ROBO2: variants seen among roughly 807,000 people sequenced by gnomAD.
The protein encoded by ROBO2 is roundabout homolog 2.
ROBO2 carries 53 observed loss-of-function variants against 160.8 expected under a neutral mutation model. The ratio of observed to expected loss-of-function variants is 0.33; its 90% CI spans 0.26 to 0.41. The LOEUF is 0.41. ROBO2 is among the 10% of genes least tolerant of loss of function. ROBO2 has a pLI of 1.00. For missense variants in ROBO2, 1,577 were observed against 1,722.4 expected, an observed-to-expected ratio of 0.92 and a Z score of 1.49; for synonymous variants, 664 against 611.7, an observed-to-expected ratio of 1.09 and a Z score of -1.26.
intron 2 of ROBO2, among the ~76,000 whole-genome samples, chr3:77,258,129 C>T (rs942937412): frequency 4.6e-5 from 7 of 152,094 alleles, no homozygotes; most frequent in Non-Finnish European, 8.8e-5. Flanking sequence ...AAAGTGTCAA[C>T]GTGTCAGAGT....
At chr3:75,952,296 C>T (rs1309859034) in intron 2 of ROBO2, among the ~76,000 whole-genome samples, 1 of 151,854 alleles carries the variant, frequency 6.6e-6, no homozygotes, top group Admixed American at 6.6e-5. Context: ...AATGCTTTTA[C>T]TCTAATCATT....
At chr3:76,396,656 A>G (rs2077469584) in intron 2 of ROBO2, among the ~76,000 whole-genome samples, 1 of 152,152 alleles carries the variant, frequency 6.6e-6, no homozygotes, top group African/African-American at 2.4e-5. Context: ...TACAAAAATC[A>G]CAAGCATTCT....
chr3:76,213,399 G>A (rs946227175), intron 2 of ROBO2, among the ~76,000 whole-genome samples: 8 of 152,088 alleles, frequency 5.3e-5, no homozygotes, highest in African/African-American at 1.9e-4. Flanking sequence ...CTTTTAAAAA[G>A]TGGATATGAT....
rs1235865090 is a variant in ROBO2, at chr3:76,622,183, AAAAAAAGAAAGG to A, written c.110-475828_110-475817del. ...ACATAGCAAGACCTCATATCTACTA[AAAAAAAGAAAGG>A]AAGGAAGGAAGGAAGGAAGGAAGGA... On this transcript the variant is annotated intron_variant, in intron 2 of 26. Transcript: ENST00000487694. Among the ~76,000 whole-genome samples, 4 of 63,354 alleles carry A rather than the reference AAAAAAAGAAAGG, an allele frequency of 6.3e-5. 1 individual carries two copies. The East Asian group carries it at 1.7e-3, about 28-fold the overall frequency. 41.6% of individuals were successfully genotyped at this position (63,354 alleles called of 152,430 possible). A position where few individuals can be genotyped will look rare whatever the true frequency, so the allele number is the denominator to read the frequency against.
chr3:77,002,063 A>G lies in ROBO2; in HGVS notation c.110-95951A>G, dbSNP rs184113406. Among the ~76,000 whole-genome samples the G allele has an allele frequency of 8.1e-4, 123 of 152,238 alleles. 1 individual carries two copies. The highest frequency in any genetic ancestry group is 3.0e-3 in the African/African-American group (123 of 41,580). On this transcript the variant is annotated intron_variant, in intron 2 of 26. Transcript: ENST00000487694. ...TTGTAGAAATGTGTGTGAATCTTGTATTACTAATTATCATGCATGAATTTA... is the reference window on the plus strand; with the variant it reads ...TTGTAGAAATGTGTGTGAATCTTGTGTTACTAATTATCATGCATGAATTTA...
At chr3:76,273,491 C>G (rs1707724813) in intron 2 of ROBO2, among the ~76,000 whole-genome samples, 1 of 152,034 alleles carries the variant, frequency 6.6e-6, no homozygotes, top group African/African-American at 2.4e-5. Flanking sequence ...TTAATTGACT[C>G]ACAGTTCTTC....
intron 2 of ROBO2, among the ~76,000 whole-genome samples, chr3:76,936,869 T>G (rs548506271): frequency 5.3e-5 from 8 of 151,884 alleles, no homozygotes; most frequent in African/African-American, 1.9e-4. Flanking sequence ...ATATATACAT[T>G]CTTATGAAGA....
At chr3:76,787,316 A>T (rs1468491399) in intron 2 of ROBO2, among the ~76,000 whole-genome samples, 1 of 134,348 alleles carries the variant, frequency 7.4e-6, no homozygotes. Context: ...CCAGTCATTA[A>T]ATGTAAACAC....
chr3:77,374,122 A>C (rs1413660067), intron 2 of ROBO2, among the ~76,000 whole-genome samples: 1 of 134,808 alleles, frequency 7.4e-6, no homozygotes, highest in Non-Finnish European at 1.5e-5. Context: ...GTGAGCTGAG[A>C]TCGCACCACT....
At chr3:76,368,761 A>C (rs2075959902) in intron 2 of ROBO2, among the ~76,000 whole-genome samples, 1 of 152,068 alleles carries the variant, frequency 6.6e-6, no homozygotes, top group Admixed American at 6.6e-5. Flanking sequence ...CGTGGGATCT[A>C]TGTTCCCCTC....
chr3:76,433,314 G>T (rs999820457), intron 2 of ROBO2, among the ~76,000 whole-genome samples: 14 of 152,172 alleles, frequency 9.2e-5, no homozygotes, highest in African/African-American at 3.1e-4. Flanking sequence ...AGTATGTCCA[G>T]TTGAATATGA....
At chr3:77,148,057 C>T (rs2077254093) in intron 2 of ROBO2, among the ~76,000 whole-genome samples, 1 of 152,196 alleles carries the variant, frequency 6.6e-6, no homozygotes, top group Admixed American at 6.5e-5. Flanking sequence ...CCTTGCATGA[C>T]TAATTTCCTG....
intron 2 of ROBO2, among the ~76,000 whole-genome samples, chr3:76,721,365 A>C (rs11127557): frequency 6.6e-6 from 1 of 152,042 alleles, no homozygotes; most frequent in Non-Finnish European, 1.5e-5. Context: ...ATAAAGTAGC[A>C]TATTTCTGAT....
At chr3:77,260,328 G>A (rs902712006) in intron 2 of ROBO2, among the ~76,000 whole-genome samples, 13 of 152,140 alleles carry the variant, frequency 8.5e-5, no homozygotes, top group African/African-American at 3.1e-4. Context: ...TACTGGAGTA[G>A]CATATTGATC....
intron 2 of ROBO2, among the ~76,000 whole-genome samples, chr3:77,005,153 T>C (rs1324131272): frequency 6.6e-6 from 1 of 152,076 alleles, no homozygotes; most frequent in African/African-American, 2.4e-5. Flanking sequence ...TTGTCAAACC[T>C]CTCCCCATTC....
At chr3:77,424,894 A>G (rs2078035558) in intron 2 of ROBO2, among the ~76,000 whole-genome samples, 1 of 152,162 alleles carries the variant, frequency 6.6e-6, no homozygotes, top group Non-Finnish European at 1.5e-5. Flanking sequence ...CAGGTTATAG[A>G]TGGTTTTCTT....
intron 2 of ROBO2, among the ~76,000 whole-genome samples, chr3:76,233,852 G>A (rs1307012922): frequency 1.3e-5 from 2 of 152,148 alleles, no homozygotes; most frequent in South Asian, 2.1e-4. Flanking sequence ...GGTTACATGT[G>A]CAGCTTTGTT....
intron 2 of ROBO2, among the ~76,000 whole-genome samples, chr3:77,349,666 T>C (rs916578669): frequency 6.6e-6 from 1 of 152,188 alleles, no homozygotes; most frequent in Non-Finnish European, 1.5e-5. Context: ...ACGTGAATCC[T>C]AGGGGCTGGA....
chr3:77,433,955 C>T (rs1264395005), intron 2 of ROBO2, among the ~76,000 whole-genome samples: 3 of 152,090 alleles, frequency 2.0e-5, no homozygotes, highest in Non-Finnish European at 2.9e-5. Flanking sequence ...ATACTGCCAT[C>T]ACTCTCGTCA....
Sources: allele counts gnomAD v4.1 joint callset (sites outside exome capture counted in the v4.1 genomes callset), GRCh38; gene constraint gnomAD v4.1.1; transcripts MANE v1.5; gene names NCBI Gene and HGNC (gene_info 2026-07-23, HGNC 2026-07-21).